OBSL1: variants seen among roughly 807,000 people sequenced by gnomAD.
The protein encoded by OBSL1 is obscurin like cytoskeletal adaptor 1.
A neutral mutation model predicts 172.0 loss-of-function variants in OBSL1; 160 were observed. That is an observed-to-expected ratio of 0.93 (90% CI 0.82 to 1.06). The LOEUF is 1.06. Ranked by LOEUF, OBSL1 falls within the 50% of genes least tolerant of loss-of-function variation. The pLI, the probability that OBSL1 is intolerant of heterozygous loss-of-function variation, is 0.00. For missense variants in OBSL1, 2,681 were observed against 2,715.4 expected, an observed-to-expected ratio of 0.99 and a Z score of 0.28; for synonymous variants, 1,200 against 1,196.3, an observed-to-expected ratio of 1.00 and a Z score of -0.06.
In OBSL1 at chr2:219,568,427, C is replaced by T. The variant is rs1490611809; in HGVS notation, c.1013-103G>A. Reference sequence around the variant, plus strand: ...TAGCTCATGCTGTGTGCTCTTCATGCAGAGCCAGCGGGCACTGTGGAATCA... The same window carrying T: ...TAGCTCATGCTGTGTGCTCTTCATGTAGAGCCAGCGGGCACTGTGGAATCA... On this transcript the variant is annotated intron_variant, in intron 1 of 20. Transcript: ENST00000404537. This position sits in a 1 kb window ranked among gnomAD's most constrained non-coding sequence, Gnocchi z 4.1. 1.7e-6 allele frequency: 2 copies of T among 1,161,216 alleles called. No individual in the cohort carries two copies. The highest frequency in any genetic ancestry group is 3.1e-5 in the African/African-American group (2 of 64,682). 71.9% of individuals were successfully genotyped at this position (1,161,216 alleles called of 1,614,324 possible). A position where few individuals can be genotyped will look rare whatever the true frequency, so the allele number is the denominator to read the frequency against.
At chr2:219,547,700 G>T (rs763030395), downstream of OBSL1, 1 of 1,570,352 alleles carries the variant, frequency 6.4e-7, no homozygotes, top group Admixed American at 1.7e-5. Context: ...CCTCTTCCTG[G>T]TGGGGCTGCT....
Position 219,551,709 on chromosome 2 carries a change from A to T in OBSL1, c.5503T>A (p.Ser1835Thr). ...RAVLEVTVSR[S>T]GGHVCWLREG... ...CGCAGCCAGCACACGTGGCCCCCCG[A>T]GCGGGACACAGTCACCTCCAGCACC... The change falls in exon 20 of 21, where the codon TCG becomes ACG. Residue 1835 changes from serine to threonine, a missense_variant. Coordinates refer to ENST00000404537, the MANE Select transcript of OBSL1 (RefSeq NM_015311.3). The T allele has an allele frequency of 1.9e-6, 3 of 1,610,504 alleles. No individual in the cohort carries two copies. The highest frequency in any genetic ancestry group is 2.5e-6 in the Non-Finnish European group (3 of 1,179,084).
At chr2:219,563,317 C>T (rs755987000) in intron 7 of OBSL1, 38 bp downstream of exon 7, 2 of 1,520,300 alleles carry the variant, frequency 1.3e-6, no homozygotes, top group Admixed American at 4.1e-5. Context: ...AGCAGGGGCA[C>T]CTTCCCCTGT....
At chr2:219,550,063 C>T (rs548504820), downstream of OBSL1, 18 of 634,174 alleles carry the variant, frequency 2.8e-5, no homozygotes, top group South Asian at 2.0e-4. Context: ...CTGAGGAACT[C>T]GGGGTGTGAA....
chr2:219,553,743 A>C, intron 15 of OBSL1, 57 bp from the exon 16 acceptor site: 1 of 1,155,028 alleles, frequency 8.7e-7, no homozygotes. Context: ...CCCATCTTGC[A>C]GGGACAAGGA....
chr2:219,552,041 C>T (rs1421955653), intron 19 of OBSL1, 71 bp downstream of exon 19: 2 of 1,443,150 alleles, frequency 1.4e-6, no homozygotes, highest in Non-Finnish European at 1.9e-6. Flanking sequence ...GGGGCCAGCC[C>T]CAAGTCCGTC....
At chr2:219,567,680 G>T (rs773482498) in intron 3 of OBSL1, 38 bp downstream of exon 3, 2 of 1,594,742 alleles carry the variant, frequency 1.3e-6, no homozygotes, top group Admixed American at 1.7e-5. Flanking sequence ...CCAACCTCCT[G>T]CCCTGCCTCG....
At chr2:219,551,215 G>C in intron 20 of OBSL1, 1 of 1,388,078 alleles carries the variant, frequency 7.2e-7, no homozygotes, top group Non-Finnish European at 9.3e-7. Flanking sequence ...AAGTGGGGAG[G>C]AAAGGAACTG....
At chr2:219,554,436 AC>A in intron 15 of OBSL1, 37 bp downstream of exon 15, 1 of 1,605,346 alleles carries the variant, frequency 6.2e-7, no homozygotes, top group Non-Finnish European at 8.5e-7. Context: ...GTAGGGCCAC[AC>A]AGGTCAGCAG....
chr2:219,550,712 C>CA, downstream of OBSL1: 2 of 1,348,972 alleles, frequency 1.5e-6, no homozygotes, highest in Non-Finnish European at 2.1e-6. Flanking sequence ...CCACATCACT[C>CA]AGAGAGGCAA....
chr2:219,567,402 C>G lies in OBSL1; in HGVS notation c.1708G>C (p.Glu570Gln). The G allele has an allele frequency of 6.2e-7, 1 of 1,613,010 alleles. No homozygotes were observed. Among genetic ancestry groups the G allele is most frequent in the Non-Finnish European group, 8.5e-7 (1 of 1,179,488 alleles). Residue 570 changes from glutamate (E) to glutamine (Q), a missense_variant, in exon 4 of 21, where the codon GAG becomes CAG. By Grantham distance (29) the Glu-to-Gln change is conservative (BLOSUM62 2). Around this residue, in one of 5 missense-constraint regions of OBSL1, gnomAD observed 706 missense variants for 695.8 expected, o/e 1.01. Transcript: ENST00000404537. ...SEDWIQCFSI[E>Q]KAGAVEVPGD... ...GGCACCTCCACGGCTCCGGCTTTCT[C>G]GATGCTGAAGCACTGAATCCAGTCT...
chr2:219,567,030 C>T lies in OBSL1; in HGVS notation c.1934G>A (p.Gly645Asp). The T allele has an allele frequency of 1.2e-6, 2 of 1,613,622 alleles. No individual in the cohort carries two copies. Among genetic ancestry groups the T allele is most frequent in the East Asian group, 2.2e-5 (1 of 44,876 alleles). ...CTCTTCCCCATTAAGGAACCAGGTA[C>T]CCTGGATGATGGTGGAGAGATCGAG... ...FSLDLSTIIQ[G>D]TWFLNGEELK... The change falls in exon 5 of 21, where the codon GGT becomes GAT. Residue 645 changes from glycine (G) to aspartate (D), a missense_variant. Coordinates refer to ENST00000404537, the MANE Select transcript of OBSL1 (RefSeq NM_015311.3).
chr2:219,568,813 C>T lies in OBSL1; in HGVS notation c.1013-489G>A, dbSNP rs1030379251. On this transcript the variant is annotated intron_variant, in intron 1 of 20. Coordinates refer to ENST00000404537, the MANE Select transcript of OBSL1 (RefSeq NM_015311.3). This position sits in a 1 kb window ranked among gnomAD's most constrained non-coding sequence, Gnocchi z 4.1. ...AGGCTGGAGTGCAGTCGCGCAATCT[C>T]GGCTCACTGCAACCTCCACCTCCTG... 2.0e-5 allele frequency among the ~76,000 whole-genome samples: 3 copies of T among 151,598 alleles called. No individual in the cohort carries two copies. Among genetic ancestry groups the T allele is most frequent in the Non-Finnish European group, 2.9e-5 (2 of 67,932 alleles).
rs1262830831 is a variant in OBSL1 at position 219,566,904 on chromosome 2, T to G, written c.2060A>C (p.Lys687Thr). 6.2e-7 allele frequency: 1 copy of G among 1,610,302 alleles called. No individual in the cohort carries two copies. The highest frequency in any genetic ancestry group is 1.1e-5 in the South Asian group (1 of 91,058). ...LQHRLILHAVKHQDSGALVGF... is the reference protein window; with the variant it reads ...LQHRLILHAVTHQDSGALVGF... ...GACCAGGGCACCGCTGTCCTGGTGCTTGACGGCATGCAGGATGAGTCTGTG... is the reference window on the plus strand; with the variant it reads ...GACCAGGGCACCGCTGTCCTGGTGCGTGACGGCATGCAGGATGAGTCTGTG... Residue 687 changes from lysine to threonine, a missense_variant, in exon 5 of 21, where the codon AAG becomes ACG. By Grantham distance (78) the Lys-to-Thr change is moderately conservative. Coordinates refer to ENST00000404537, the MANE Select transcript of OBSL1 (RefSeq NM_015311.3).
At chr2:219,566,538 G>A (rs920076057) in intron 5 of OBSL1, among the ~76,000 whole-genome samples, 6 of 152,224 alleles carry the variant, frequency 3.9e-5, no homozygotes, top group Admixed American at 2.6e-4. Flanking sequence ...GCCAGGGTCT[G>A]TGTCTTTCAA....
chr2:219,559,487 C>T lies in OBSL1; in HGVS notation c.2964G>A (p.Val988=). The T allele has an allele frequency of 6.2e-7, 1 of 1,608,814 alleles. No individual in the cohort carries two copies. The highest frequency in any genetic ancestry group is 8.5e-7 in the Non-Finnish European group (1 of 1,175,566). The change falls in exon 9 of 21, where the codon GTG becomes GTA. Residue 988 remains valine (V), a synonymous_variant. Transcript: ENST00000404537. ...CCTCATCGCGAGGGTATATGATCCG[C>T]ACTGGGGGTTCTGCAGGGTGGGGAC... The part of the protein sequence containing the change: ...SFTVTVTEPP[V]RIIYPRDEVT...
intron 11 of OBSL1, 32 bp downstream of exon 11, chr2:219,557,791 A>C (rs1372975831): frequency 3.2e-6 from 5 of 1,571,624 alleles, no homozygotes; most frequent in Non-Finnish European, 4.3e-6. Context: ...GCTTGGTGCC[A>C]CTCTCAGGCT....
chr2:219,561,757 G>A, intron 8 of OBSL1: 1 of 667,030 alleles, frequency 1.5e-6, no homozygotes, highest in Non-Finnish European at 2.8e-6. Flanking sequence ...TTAACACAGG[G>A]GTCGCAAACT....
At chr2:219,551,108 TG>T in intron 20 of OBSL1, 1 of 1,410,342 alleles carries the variant, frequency 7.1e-7, no homozygotes. Flanking sequence ...AAGAGGCTTC[TG>T]CCAAGGCTGA....
Sources: allele counts gnomAD v4.1 joint callset (sites outside exome capture counted in the v4.1 genomes callset), GRCh38; gene constraint gnomAD v4.1.1; regional missense constraint gnomAD v4.1.1; non-coding constraint Gnocchi (gnomAD v3.1); transcripts MANE v1.5; gene names NCBI Gene and HGNC (gene_info 2026-07-23, HGNC 2026-07-21).